The following GP6 variants were observed in gnomAD, a reference collection of about 807,000 sequenced individuals.
GP6 encodes glycoprotein VI platelet.
GP6 carries 45 observed loss-of-function variants against 37.3 expected under a neutral mutation model. The ratio of observed to expected loss-of-function variants is 1.21; its 90% CI spans 0.95 to 1.55. GP6 has a LOEUF of 1.55. GP6 is among the 40% of genes most tolerant of loss of function. The probability of loss-of-function intolerance (pLI) is 0.00; values close to 1 mark genes in which losing one functional copy is unlikely to be tolerated. For missense variants in GP6, 813 were observed against 760.2 expected (o/e 1.07, Z -0.82); for synonymous variants, 340 against 316.4 (o/e 1.07, Z -0.79).
In GP6 at chr19:55,025,193, C is replaced by T. The variant is rs200474404; in HGVS notation, c.664+25G>A. On this transcript the variant is annotated intron_variant, in intron 5 of 7. Coordinates refer to ENST00000310373, the MANE Select transcript of GP6 (RefSeq NM_001083899.2). Reference sequence around the variant, plus strand: ...GTCCGTGTACCTCATACGCTGTGCACCAGAATGGACCCTGCAGAACCTACC... The same window carrying T: ...GTCCGTGTACCTCATACGCTGTGCATCAGAATGGACCCTGCAGAACCTACC... 6 of 1,409,196 alleles carry T rather than the reference C, an allele frequency of 4.3e-6. No homozygotes were observed. In the East Asian group the frequency reaches 1.2e-4, roughly 29 times the overall value. 87.3% of individuals were successfully genotyped at this position (1,409,196 alleles called of 1,614,324 possible).
chr19:55,013,950 T>C lies in GP6; in HGVS notation c.*132A>G, dbSNP rs928748925. The C allele has an allele frequency of 7.4e-6, 3 of 407,518 alleles. No homozygotes were observed. In the Admixed American group the frequency reaches 8.7e-5, roughly 12 times the overall value. The allele number at this position is 407,518 out of a possible 1,614,324, so 25.2% of individuals were successfully genotyped here. ...ACCTTGAGAAGACCTAACATTTCCT[T>C]CAGAAAGTAAATATGAGAGGGGTGG... On this transcript the variant is annotated 3_prime_UTR_variant, in exon 8 of 8. Coordinates refer to ENST00000310373, the MANE Select transcript of GP6 (RefSeq NM_001083899.2).
At chr19:55,024,291 T>TGCACACACACAC (rs1568612580) in intron 5 of GP6, among the ~76,000 whole-genome samples, 7 of 113,348 alleles carry the variant, frequency 6.2e-5, no homozygotes, top group African/African-American at 9.0e-5. Flanking sequence ...CACACACATA[T>TGCACACACACAC]GCACGCATGC....
In GP6 at chr19:55,014,985, C is replaced by T. The variant is rs777656189; in HGVS notation, c.960G>A (p.Pro320=). 31 of 1,609,942 alleles carry T rather than the reference C, an allele frequency of 1.9e-5. No homozygotes were observed. In the East Asian group the frequency reaches 3.4e-4, roughly 18 times the overall value. The change falls in exon 8 of 8, where the codon CCG becomes CCA. Residue 320 remains proline, a synonymous_variant. Coordinates refer to ENST00000310373, the MANE Select transcript of GP6 (RefSeq NM_001083899.2). ...TCCATCCTGACCCCCGTTTGATTTCCGGGTCAGCGGGAGGGGCGGGAGGGG... is the reference window on the plus strand; with the variant it reads ...TCCATCCTGACCCCCGTTTGATTTCTGGGTCAGCGGGAGGGGCGGGAGGGG...
chr19:55,038,248 CCTGTCCTGAGCT>C lies in GP6; in HGVS notation c.-24_-13del, dbSNP rs753642210. ...GGGGATGGAGACATGGTTCCTCAGC[CCTGTCCTGAGCT>C]CTGTGGCCAGGGAGGGAAGTGGTGG... On this transcript the variant is annotated 5_prime_UTR_variant, in exon 1 of 8. Transcript: ENST00000310373. 5.1e-6 allele frequency: 8 copies of C among 1,583,372 alleles called. No homozygotes were observed. In the African/African-American group the frequency reaches 1.1e-4, roughly 21 times the overall value.
intron 5 of GP6, among the ~76,000 whole-genome samples, chr19:55,024,612 A>G (rs2074235688): frequency 6.6e-6 from 1 of 152,186 alleles, no homozygotes; most frequent in Non-Finnish European, 1.5e-5. Context: ...GATGTTTGTG[A>G]AAGTGGAGGG....
intron 1 of GP6, among the ~76,000 whole-genome samples, chr19:55,033,428 G>A (rs1477542441): frequency 0.011 from 983 of 90,220 alleles, no homozygotes; most frequent in Middle Eastern, 0.023. Context: ...CGTGTTAGAC[G>A]CGGTGGGCTC....
intron 5 of GP6, among the ~76,000 whole-genome samples, chr19:55,023,557 A>T (rs1274477663): frequency 2.6e-5 from 4 of 152,082 alleles, no homozygotes; most frequent in African/African-American, 9.7e-5. Flanking sequence ...ACCACATGAG[A>T]CAGCTACCCC....
chr19:55,015,594 GA>G, intron 7 of GP6, 88 bp downstream of exon 7: 1 of 820,908 alleles, frequency 1.2e-6, no homozygotes, highest in South Asian at 1.4e-5. Context: ...CAAGATCTGA[GA>G]GCTGCAGCCC....
rs755152911 is a variant in GP6 at position 55,032,129 on chromosome 19, C to G, written c.325+10G>C. ...CACGCAGTCCCAGGCTCCGATCCCC[C>G]TTCCTTTACCCGTGGCAACGAGCTC... On this transcript the variant is annotated intron_variant, in intron 3 of 7. Transcript: ENST00000310373. 6.2e-7 allele frequency: 1 copy of G among 1,613,346 alleles called. No homozygotes were observed. Among genetic ancestry groups the G allele is most frequent in the South Asian group, 1.1e-5 (1 of 91,068 alleles).
At chr19:55,018,301 G>A (rs1038832126) in intron 6 of GP6, among the ~76,000 whole-genome samples, 5 of 152,220 alleles carry the variant, frequency 3.3e-5, no homozygotes, top group Non-Finnish European at 5.9e-5. Flanking sequence ...GTCTGTGTGC[G>A]TCCGAGCATG....
At chr19:55,037,066 G>A (rs142995903) in intron 1 of GP6, among the ~76,000 whole-genome samples, 1 of 152,266 alleles carries the variant, frequency 6.6e-6, no homozygotes, top group African/African-American at 2.4e-5. Flanking sequence ...GATAATGAAT[G>A]AGAGGTTGTT....
chr19:55,015,862 G>A, intron 6 of GP6, 129 bp from the exon 7 acceptor site: 1 of 714,226 alleles, frequency 1.4e-6, no homozygotes, highest in East Asian at 2.6e-5. Context: ...CATGGGCCGG[G>A]CACGGTGCCT....
intron 3 of GP6, among the ~76,000 whole-genome samples, chr19:55,029,120 GAGGA>G (rs1555801977): frequency 6.2e-5 from 9 of 145,262 alleles, no homozygotes; most frequent in Middle Eastern, 6.9e-3. Context: ...GGGAGGGAGG[GAGGA>G]AGGAAGGAAG....
chr19:55,037,538 T>C (rs2074878497), intron 1 of GP6, among the ~76,000 whole-genome samples: 1 of 151,430 alleles, frequency 6.6e-6, no homozygotes, highest in Admixed American at 6.6e-5. Flanking sequence ...GGTTTCTCCA[T>C]GTTGGTCAGG....
At chr19:55,023,061 CAAAAAGAACAAAG>C in intron 5 of GP6, among the ~76,000 whole-genome samples, 1 of 152,154 alleles carries the variant, frequency 6.6e-6, no homozygotes, top group East Asian at 1.9e-4. Flanking sequence ...CAATACTAAG[CAAAAAGAACAAAG>C]CTGGAGGCCT....
At chr19:55,028,301 C>T (rs1413093722) in intron 3 of GP6, among the ~76,000 whole-genome samples, 1 of 152,222 alleles carries the variant, frequency 6.6e-6, no homozygotes, top group Non-Finnish European at 1.5e-5. Flanking sequence ...ATGTGGCTGA[C>T]AGTGCTAGCT....
Position 55,014,550 on chromosome 19 carries a change from AAC to A in GP6, c.1393_1394del (p.Val465SerfsTer58). ...CGGGAGGATTTTGCACAGAGGATGG[AAC>A]AGAGTCAACCCTGAGAGCTGGGAAC... On this transcript the variant is annotated frameshift_variant, in exon 8 of 8. Coordinates refer to ENST00000310373, the MANE Select transcript of GP6 (RefSeq NM_001083899.2). LOFTEE classifies it low-confidence loss of function (END_TRUNC). 1 of 1,613,632 alleles carries A rather than the reference AAC, an allele frequency of 6.2e-7. No individual in the cohort carries two copies. The highest frequency in any genetic ancestry group is 2.2e-5 in the East Asian group (1 of 44,878).
At chr19:55,027,919 T>G in intron 3 of GP6, 57 bp from the exon 4 acceptor site, 1 of 1,564,580 alleles carries the variant, frequency 6.4e-7, no homozygotes, top group Non-Finnish European at 8.8e-7. Flanking sequence ...CAGCTGAGAC[T>G]GGGGAGGTCC....
Position 55,021,153 on chromosome 19 carries a change from G to A in GP6, c.665-2442C>T, listed in dbSNP as rs565773925. 2.8e-3 allele frequency among the ~76,000 whole-genome samples: 399 copies of A among 143,224 alleles called. 7 individuals are homozygous for A. The highest frequency in any genetic ancestry group is 9.9e-3 in the African/African-American group (388 of 39,068). The allele number at this position is 143,224 out of a possible 152,430, so 94.0% of individuals were successfully genotyped here. Reference sequence around the variant, plus strand: ...GCAGGTGGATCACCTGAGGTCAGAAGTTTGAGACCAGCATGACCAACAAGG... The same window carrying A: ...GCAGGTGGATCACCTGAGGTCAGAAATTTGAGACCAGCATGACCAACAAGG... On this transcript the variant is annotated intron_variant, in intron 5 of 7. Transcript: ENST00000310373.
Sources: allele counts gnomAD v4.1 joint callset (sites outside exome capture counted in the v4.1 genomes callset), GRCh38; gene constraint gnomAD v4.1.1; transcripts MANE v1.5; gene names NCBI Gene and HGNC (gene_info 2026-07-23, HGNC 2026-07-21).